CD276: variants seen among roughly 807,000 people sequenced by gnomAD.
CD276 encodes the protein CD276 molecule.
Under a neutral mutation model 50.0 loss-of-function variants are expected in CD276, and 34 were observed. The observed-to-expected ratio is 0.68, with a 90% CI of 0.52 to 0.91. The LOEUF is 0.91. Ranked by LOEUF, CD276 falls within the 40% of genes least tolerant of loss-of-function variation. CD276 has a pLI of 0.00. For synonymous variants in CD276, 275 were observed against 313.0 expected (o/e 0.88, Z 1.28); for missense variants, 634 against 717.5 (o/e 0.88, Z 1.33).
intron 1 of CD276, chr15:73,685,159 C>T (rs1899694171): frequency 7.1e-6 from 1 of 140,546 alleles, no homozygotes; most frequent in Admixed American, 7.4e-5. Flanking sequence ...GCAGTTTGGG[C>T]TTGGGAAGCC....
chr15:73,698,414 C>T (rs1235483517), intron 1 of CD276, among the ~76,000 whole-genome samples: 6 of 152,178 alleles, frequency 3.9e-5, no homozygotes, highest in Non-Finnish European at 8.8e-5. Flanking sequence ...CACTGAGGCT[C>T]AAAACCACGG....
In CD276 at chr15:73,703,883, C is replaced by A; in HGVS notation, c.958C>A (p.Gln320Lys). The change falls in exon 5 of 10, where the codon CAA becomes AAA. Residue 320 changes from glutamine (Q) to lysine (K), a missense_variant. Transcript: ENST00000318443. ...RTALFPDLLAQGNASLRLQRV... is the reference protein window; with the variant it reads ...RTALFPDLLAKGNASLRLQRV... ...GGCCCTCTTCCCGGACCTGCTGGCA[C>A]AAGGCAATGCATCCCTGAGGCTGCA... The A allele has an allele frequency of 6.2e-7, 1 of 1,613,750 alleles. No individual in the cohort carries two copies. Among genetic ancestry groups the A allele is most frequent in the Non-Finnish European group, 8.5e-7 (1 of 1,180,010 alleles).
At chr15:73,694,466 A>C (rs1307736184) in intron 1 of CD276, among the ~76,000 whole-genome samples, 1 of 152,154 alleles carries the variant, frequency 6.6e-6, no homozygotes, top group Non-Finnish European at 1.5e-5. Context: ...ATGGCTCCTT[A>C]GTTAGTTCAG....
intron 1 of CD276, among the ~76,000 whole-genome samples, chr15:73,689,380 T>C (rs989823071): frequency 2.6e-5 from 4 of 152,112 alleles, no homozygotes; most frequent in African/African-American, 4.8e-5. Flanking sequence ...GAAGAACTGA[T>C]TCCTGCTCTT....
At chr15:73,695,316 G>A (rs1900134552) in intron 1 of CD276, among the ~76,000 whole-genome samples, 2 of 152,168 alleles carry the variant, frequency 1.3e-5, no homozygotes, top group African/African-American at 2.4e-5. Flanking sequence ...TGGCTGAGGG[G>A]CAGACAGGCA....
At chr15:73,699,241 ACT>A (rs930349894) in intron 1 of CD276, among the ~76,000 whole-genome samples, 3 of 152,172 alleles carry the variant, frequency 2.0e-5, no homozygotes, top group African/African-American at 7.2e-5. Context: ...CCTACCAGCT[ACT>A]GTCTGCCAAA....
In CD276 at chr15:73,704,023, C is replaced by A; in HGVS notation, c.1072+26C>A. ...GTGAGCACCAGGAGGGCGACGCCTTCCCCTTGGTTCACCCTCCATTCCCTC... is the reference window on the plus strand; with the variant it reads ...GTGAGCACCAGGAGGGCGACGCCTTACCCTTGGTTCACCCTCCATTCCCTC... On this transcript the variant is annotated intron_variant, in intron 5 of 9. Transcript: ENST00000318443. The surrounding 1 kb of genome is among the most constrained non-coding windows in gnomAD (Gnocchi z 4.1). 1 of 1,595,070 alleles carries A rather than the reference C, an allele frequency of 6.3e-7. No homozygotes were observed. Among genetic ancestry groups the A allele is most frequent in the Non-Finnish European group, 8.5e-7 (1 of 1,171,406 alleles).
At chr15:73,690,141 T>C (rs560967214) in intron 1 of CD276, among the ~76,000 whole-genome samples, 2 of 152,348 alleles carry the variant, frequency 1.3e-5, no homozygotes, top group Admixed American at 1.3e-4. Flanking sequence ...CATATATCTA[T>C]CCATCTCTCT....
At chr15:73,690,608 T>TAA (rs1187197804) in intron 1 of CD276, 2 of 446,208 alleles carry the variant, frequency 4.5e-6, no homozygotes, top group Non-Finnish European at 9.0e-6. Flanking sequence ...GGGCAGCACT[T>TAA]ACGCTTTTAT....
chr15:73,685,518 T>A (rs1899724421), intron 1 of CD276, among the ~76,000 whole-genome samples: 1 of 151,436 alleles, frequency 6.6e-6, no homozygotes, highest in Non-Finnish European at 1.5e-5. Flanking sequence ...GTGTTAGTTG[T>A]CTTAATTTAG....
intron 9 of CD276, 59 bp from the exon 10 acceptor site, chr15:73,712,875 A>G: frequency 6.4e-7 from 1 of 1,568,198 alleles, no homozygotes; most frequent in Non-Finnish European, 8.8e-7. Context: ...CCAAAAATAG[A>G]TCTTCTGGCA....
chr15:73,708,360 C>CA lies in CD276; in HGVS notation c.1392dup (p.Glu465ArgfsTer33), dbSNP rs772426782. 53 of 1,614,186 alleles carry CA rather than the reference C, an allele frequency of 3.3e-5. No individual in the cohort carries two copies. Among genetic ancestry groups the CA allele is most frequent in the Non-Finnish European group, 4.3e-5 (51 of 1,180,030 alleles). The stretch of plus-strand genomic sequence containing the variant: ...TCAGGGCAGCCTATGACATTCCCCC[C>CA]AGAGGCCCTGTGGGTGACCGTGGGG... On this transcript the variant is annotated frameshift_variant, in exon 7 of 10. Transcript: ENST00000318443. LOFTEE classifies it high-confidence loss of function.
At chr15:73,698,447 C>T (rs1900255785) in intron 1 of CD276, among the ~76,000 whole-genome samples, 1 of 152,242 alleles carries the variant, frequency 6.6e-6, no homozygotes, top group South Asian at 2.1e-4. Flanking sequence ...CTCTTTCTCT[C>T]TACCCAAGTC....
chr15:73,691,252 A>G (rs1899977280), intron 1 of CD276, among the ~76,000 whole-genome samples: 1 of 152,088 alleles, frequency 6.6e-6, no homozygotes, highest in African/African-American at 2.4e-5. Flanking sequence ...GACTTGTTTA[A>G]GTACCTAGGC....
In CD276 at chr15:73,713,833, T is replaced by C. The variant is rs1454926718; in HGVS notation, c.*877T>C. 2.2e-6 allele frequency: 1 copy of C among 444,458 alleles called. No individual in the cohort carries two copies. Among genetic ancestry groups the C allele is most frequent in the African/African-American group, 2.0e-5 (1 of 49,136 alleles). The allele number at this position is 444,458 out of a possible 1,614,324, so 27.5% of individuals were successfully genotyped here. ...CTCTTTGTTCCTTTCTTTTCATGTA[T>C]CCATTCAGTTGATGTTTATTGAGCA... On this transcript the variant is annotated 3_prime_UTR_variant, in exon 10 of 10. Coordinates refer to ENST00000318443, the MANE Select transcript of CD276 (RefSeq NM_001024736.2).
At chr15:73,690,136 A>T (rs1899931530) in intron 1 of CD276, among the ~76,000 whole-genome samples, 2 of 152,230 alleles carry the variant, frequency 1.3e-5, no homozygotes, top group Non-Finnish European at 2.9e-5. Context: ...CCATCCATAT[A>T]TCTATCCATC....
chr15:73,692,525 T>C (rs1900024056), intron 1 of CD276, among the ~76,000 whole-genome samples: 1 of 152,240 alleles, frequency 6.6e-6, no homozygotes, highest in African/African-American at 2.4e-5. Flanking sequence ...AGTTAATATG[T>C]GTAAAAGCAT....
At chr15:73,702,680 A>G (rs2141565469) in intron 3 of CD276, 87 bp downstream of exon 3, 1 of 1,554,354 alleles carries the variant, frequency 6.4e-7, no homozygotes. Flanking sequence ...TGCTCCCAGA[A>G]CCCCAGTGCT....
At chr15:73,685,750 G>T (rs1396856441) in intron 1 of CD276, among the ~76,000 whole-genome samples, 1 of 152,126 alleles carries the variant, frequency 6.6e-6, no homozygotes, top group Non-Finnish European at 1.5e-5. Context: ...ATGCTGTGCA[G>T]CCTTCCTTGT....
Sources: allele counts gnomAD v4.1 joint callset (sites outside exome capture counted in the v4.1 genomes callset), GRCh38; gene constraint gnomAD v4.1.1; non-coding constraint Gnocchi (gnomAD v3.1); transcripts MANE v1.5; gene names NCBI Gene and HGNC (gene_info 2026-07-23, HGNC 2026-07-21).